Variants in TBC1D9 observed in about 807,000 individuals in gnomAD.
The protein encoded by TBC1D9 is TBC1 domain family member 9A.
Under a neutral mutation model 132.0 loss-of-function variants are expected in TBC1D9, and 63 were observed. The ratio of observed to expected loss-of-function variants is 0.48; its 90% confidence interval spans 0.39 to 0.59. TBC1D9 has a LOEUF of 0.59. Among genes scored for constraint, TBC1D9 ranks in the 20% least tolerant of loss-of-function variants. TBC1D9 has a pLI of 0.00. For synonymous variants in TBC1D9, 610 were observed against 609.9 expected (o/e 1.00, Z 0.00); for missense variants, 1,261 against 1,592.7 (o/e 0.79, Z 3.54).
At chr4:140,668,893 G>C in intron 9 of TBC1D9, 24 bp downstream of exon 9, 1 of 1,611,708 alleles carries the variant, frequency 6.2e-7, no homozygotes, top group Non-Finnish European at 8.5e-7. Flanking sequence ...TTTGACGCCA[G>C]CATTCCCAGC....
chr4:140,749,786 T>C (rs1015940390), intron 1 of TBC1D9, among the ~76,000 whole-genome samples: 1 of 152,088 alleles, frequency 6.6e-6, no homozygotes, highest in African/African-American at 2.4e-5. Context: ...GAAAAAGAGA[T>C]ACCATAAAAA....
At chr4:140,751,213 G>A (rs1738918417) in intron 1 of TBC1D9, among the ~76,000 whole-genome samples, 1 of 152,130 alleles carries the variant, frequency 6.6e-6, no homozygotes, top group Non-Finnish European at 1.5e-5. Flanking sequence ...AAACTACAGT[G>A]TGGTGTTGGT....
chr4:140,643,133 C>A, intron 13 of TBC1D9: 2 of 1,427,290 alleles, frequency 1.4e-6, no homozygotes, highest in East Asian at 5.0e-5. Flanking sequence ...CCACCACGGG[C>A]CCATCCAGCA....
chr4:140,663,119 GAAGAAAATATCTGC>G (rs1737390886), intron 9 of TBC1D9, among the ~76,000 whole-genome samples: 1 of 152,106 alleles, frequency 6.6e-6, no homozygotes, highest in African/African-American at 2.4e-5. Flanking sequence ...CAACTTAATG[GAAGAAAATATCTGC>G]AAACCATATG....
At chr4:140,725,260 A>G (rs1738480631) in intron 1 of TBC1D9, among the ~76,000 whole-genome samples, 1 of 152,214 alleles carries the variant, frequency 6.6e-6, no homozygotes, top group Admixed American at 6.5e-5. Context: ...CTATGTTTTG[A>G]TACAGAAAGA....
intron 17 of TBC1D9, 143 bp from the exon 18 acceptor site, chr4:140,627,670 C>T: frequency 1.7e-6 from 1 of 598,262 alleles, no homozygotes; most frequent in Non-Finnish European, 3.0e-6. Flanking sequence ...TGCCTACTGT[C>T]TCTAAACCTT....
Position 140,634,167 on chromosome 4 carries a change from A to G in TBC1D9, c.2527T>C (p.Tyr843His). Residue 843 changes from tyrosine to histidine, a missense_variant, in exon 16 of 21, where the codon TAC becomes CAC. By Grantham distance (83) the Tyr-to-His change is moderately conservative. Transcript: ENST00000442267. ...AGCGCGTTGCTGCTCCCGCCCCAGTAGCAGCTGGTGAGATGTTCTGCCTGA... is the reference window on the plus strand; with the variant it reads ...AGCGCGTTGCTGCTCCCGCCCCAGTGGCAGCTGGTGAGATGTTCTGCCTGA... ...LFKAEHLTSC[Y>H]WGGSSNALDR... is the part of the protein sequence containing the mutation. The G allele has an allele frequency of 1.2e-6, 2 of 1,613,524 alleles. No homozygotes were observed. The highest frequency in any genetic ancestry group is 1.7e-6 in the Non-Finnish European group (2 of 1,179,884).
At chr4:140,686,589 AT>A (rs1737785802) in intron 2 of TBC1D9, 127 bp from the exon 3 acceptor site, 1 of 607,680 alleles carries the variant, frequency 1.6e-6, no homozygotes. Context: ...TTGCCTTTAA[AT>A]GCTTTCTCTC....
intron 16 of TBC1D9, among the ~76,000 whole-genome samples, chr4:140,629,397 T>C (rs533742663): frequency 6.6e-6 from 1 of 152,324 alleles, no homozygotes; most frequent in South Asian, 2.1e-4. Flanking sequence ...AAAGAGTCCA[T>C]GACTCAAAAA....
chr4:140,704,861 G>A (rs1738126945), intron 1 of TBC1D9, among the ~76,000 whole-genome samples: 1 of 152,182 alleles, frequency 6.6e-6, no homozygotes, highest in Non-Finnish European at 1.5e-5. Context: ...CTCATTAGAT[G>A]CAAGTTCACC....
At chr4:140,661,782 C>T (rs1052000688) in intron 10 of TBC1D9, 111 bp downstream of exon 10, 4 of 888,242 alleles carry the variant, frequency 4.5e-6, no homozygotes, top group Non-Finnish European at 7.0e-6. Context: ...GTTGAGAGGC[C>T]CTGGTAAAGT....
At chr4:140,676,318 A>C (rs1737623594) in intron 6 of TBC1D9, among the ~76,000 whole-genome samples, 1 of 152,180 alleles carries the variant, frequency 6.6e-6, no homozygotes, top group Non-Finnish European at 1.5e-5. Context: ...AATAGCACTC[A>C]TCCCCTGATT....
chr4:140,728,011 G>C (rs1738527018), intron 1 of TBC1D9, among the ~76,000 whole-genome samples: 1 of 152,148 alleles, frequency 6.6e-6, no homozygotes, highest in South Asian at 2.1e-4. Context: ...ATAGAGTAGA[G>C]TTTCCATGCA....
At chr4:140,739,874 G>A (rs1738733268) in intron 1 of TBC1D9, among the ~76,000 whole-genome samples, 1 of 152,122 alleles carries the variant, frequency 6.6e-6, no homozygotes, top group Non-Finnish European at 1.5e-5. Context: ...AGCATTAAAA[G>A]TAATCTAGAA....
At chr4:140,741,845 C>A (rs1047298319) in intron 1 of TBC1D9, among the ~76,000 whole-genome samples, 4 of 152,220 alleles carry the variant, frequency 2.6e-5, no homozygotes, top group African/African-American at 9.6e-5. Flanking sequence ...AAACTCCTTT[C>A]TATTGATTCC....
intron 1 of TBC1D9, among the ~76,000 whole-genome samples, chr4:140,724,287 G>A (rs1224960682): frequency 6.6e-6 from 1 of 152,112 alleles, no homozygotes. Flanking sequence ...AGCTAAGGAC[G>A]GAGCTGGTCT....
chr4:140,642,706 C>A, intron 13 of TBC1D9: 1 of 657,404 alleles, frequency 1.5e-6, no homozygotes. Flanking sequence ...CATTGTGTTC[C>A]TCCTTGGGCC....
At chr4:140,642,623 A>T (rs1164864978) in intron 13 of TBC1D9, 3 of 794,822 alleles carry the variant, frequency 3.8e-6, no homozygotes, top group East Asian at 2.4e-5. Context: ...CAGCTGACTT[A>T]TGAACTTAGA....
At position 140,711,505 on chromosome 4, in the gene TBC1D9, C is replaced by T. The variant is rs140158885; in HGVS notation, c.131-9891G>A. Among the ~76,000 whole-genome samples, 67 of 152,286 alleles carry T rather than the reference C, an allele frequency of 4.4e-4. 2 individuals are homozygous for T. The highest frequency in any genetic ancestry group is 8.4e-4 in the Non-Finnish European group (57 of 68,026). On this transcript the variant is annotated intron_variant, in intron 1 of 20. Transcript: ENST00000442267. ...GAAGCCACTCACTGTCCTGAGATGTCAACCCTTCTTCTAATTCATGTATCC... is the reference window on the plus strand; with the variant it reads ...GAAGCCACTCACTGTCCTGAGATGTTAACCCTTCTTCTAATTCATGTATCC...
Sources: allele counts gnomAD v4.1 joint callset (sites outside exome capture counted in the v4.1 genomes callset), GRCh38; gene constraint gnomAD v4.1.1; transcripts MANE v1.5; gene names NCBI Gene and HGNC (gene_info 2026-07-23, HGNC 2026-07-21).